The following SGCZ variants were observed in gnomAD, a reference collection of about 807,000 sequenced individuals.
SGCZ encodes sarcoglycan zeta, also known as zeta-sarcoglycan.
In SGCZ, 40 loss-of-function variants were observed where a neutral mutation model predicts 41.3. That is an observed-to-expected ratio of 0.97 (90% CI 0.75 to 1.26). The LOEUF (loss-of-function observed/expected upper bound fraction) is 1.26. Ranked by LOEUF, SGCZ falls within the 50% of genes most tolerant of loss-of-function variation. The pLI, the probability that SGCZ is intolerant of heterozygous loss-of-function variation, is 0.00. For missense variants in SGCZ, 552 were observed against 369.8 expected (o/e 1.49, Z -4.04); for synonymous variants, 206 against 137.5 (o/e 1.50, Z -3.49).
intron 1 of SGCZ, among the ~76,000 whole-genome samples, chr8:14,737,852 A>G (rs1463957544): frequency 6.6e-6 from 1 of 152,146 alleles, no homozygotes; most frequent in Non-Finnish European, 1.5e-5. Flanking sequence ...ATAACAACAT[A>G]TGATTTTAGG....
At chr8:14,449,983 A>C (rs1800545297) in intron 2 of SGCZ, among the ~76,000 whole-genome samples, 1 of 152,258 alleles carries the variant, frequency 6.6e-6, no homozygotes, top group Non-Finnish European at 1.5e-5. Flanking sequence ...AATGGTGCAT[A>C]TATTTAATAT....
chr8:14,499,743 T>C (rs1266760731), intron 2 of SGCZ, among the ~76,000 whole-genome samples: 1 of 152,034 alleles, frequency 6.6e-6, no homozygotes, highest in African/African-American at 2.4e-5. Context: ...TCAACACCTG[T>C]ATCTTCCCCT....
chr8:14,655,378 T>G (rs1807533673), intron 1 of SGCZ, among the ~76,000 whole-genome samples: 1 of 152,168 alleles, frequency 6.6e-6, no homozygotes, highest in Non-Finnish European at 1.5e-5. Context: ...TTTGTTCCTG[T>G]AATCATTTAT....
At chr8:14,631,250 G>A (rs576006652) in intron 1 of SGCZ, among the ~76,000 whole-genome samples, 1 of 151,032 alleles carries the variant, frequency 6.6e-6, no homozygotes, top group East Asian at 2.0e-4. Context: ...ATCGGCTAAT[G>A]TAAAGGTAGT....
intron 1 of SGCZ, among the ~76,000 whole-genome samples, chr8:14,601,909 A>C (rs1032026682): frequency 3.2e-4 from 49 of 152,140 alleles, no homozygotes; most frequent in African/African-American, 7.7e-4. Context: ...TCACGAGGTC[A>C]GGAGATCGAG....
At chr8:14,232,165 A>C (rs13273446) in intron 4 of SGCZ, among the ~76,000 whole-genome samples, 35,985 of 151,492 alleles carry the variant, frequency 0.24, 5,505 homozygotes, top group Non-Finnish European at 0.34. Context: ...ATTTAATTTC[A>C]ATTTTTAAGT....
At chr8:14,803,000 C>T (rs1423082763) in intron 1 of SGCZ, among the ~76,000 whole-genome samples, 1 of 152,144 alleles carries the variant, frequency 6.6e-6, no homozygotes. Flanking sequence ...TGCTGTCTTG[C>T]CCACTGCTCC....
At chr8:15,015,492 G>T (rs988422974) in intron 1 of SGCZ, among the ~76,000 whole-genome samples, 5 of 151,910 alleles carry the variant, frequency 3.3e-5, no homozygotes, top group Non-Finnish European at 7.4e-5. Context: ...GAGGTCAGCA[G>T]ATGCAGACCA....
intron 1 of SGCZ, among the ~76,000 whole-genome samples, chr8:14,937,202 A>G (rs910567353): frequency 6.6e-6 from 1 of 151,986 alleles, no homozygotes; most frequent in Non-Finnish European, 1.5e-5. Flanking sequence ...AATTAAAGCT[A>G]GATCAAAAAT....
At chr8:15,143,361 T>A (rs1289123939) in intron 1 of SGCZ, among the ~76,000 whole-genome samples, 1 of 152,174 alleles carries the variant, frequency 6.6e-6, no homozygotes, top group Non-Finnish European at 1.5e-5. Flanking sequence ...AGATGTTTCT[T>A]CTCACTAGTA....
At position 14,684,941 on chromosome 8, in the gene SGCZ, C is replaced by G. The variant is rs531009694; in HGVS notation, c.40-130015G>C. Among the ~76,000 whole-genome samples, 9 of 152,148 alleles carry G rather than the reference C, an allele frequency of 5.9e-5. No individual in the cohort carries two copies. The East Asian group carries it at 1.7e-3, about 29-fold the overall frequency. On this transcript the variant is annotated intron_variant, in intron 1 of 7. Coordinates refer to ENST00000382080, the MANE Select transcript of SGCZ (RefSeq NM_139167.4). Reference sequence around the variant, plus strand: ...CTGTTTAAACATGCAGTGGCATTTCCTATGTAATTAAATTTCTAAATGTAC... The same window carrying G: ...CTGTTTAAACATGCAGTGGCATTTCGTATGTAATTAAATTTCTAAATGTAC...
At chr8:14,862,432 A>G (rs1803783030) in intron 1 of SGCZ, among the ~76,000 whole-genome samples, 1 of 151,550 alleles carries the variant, frequency 6.6e-6, no homozygotes, top group African/African-American at 2.4e-5. Context: ...TATGCATGGT[A>G]TAATGCACGA....
chr8:14,495,163 G>A (rs916897491), intron 2 of SGCZ, among the ~76,000 whole-genome samples: 8 of 152,162 alleles, frequency 5.3e-5, no homozygotes, highest in Non-Finnish European at 1.0e-4. Context: ...AGAAGATAAA[G>A]AGGAATAAGA....
intron 1 of SGCZ, among the ~76,000 whole-genome samples, chr8:14,912,691 T>G (rs909057150): frequency 6.6e-5 from 10 of 152,028 alleles, no homozygotes; most frequent in Non-Finnish European, 8.8e-5. Flanking sequence ...AAAATAAAAA[T>G]GTCAAAGATG....
chr8:15,144,704 T>A (rs1184648202), intron 1 of SGCZ, among the ~76,000 whole-genome samples: 1 of 152,226 alleles, frequency 6.6e-6, no homozygotes, highest in Non-Finnish European at 1.5e-5. Context: ...GGTCTGCCCA[T>A]CTTTGGCCTC....
intron 4 of SGCZ, among the ~76,000 whole-genome samples, chr8:14,173,729 T>C (rs1460735955): frequency 6.7e-6 from 1 of 149,992 alleles, no homozygotes; most frequent in African/African-American, 2.4e-5. Flanking sequence ...GAGGATAAAA[T>C]AAACAAAAGA....
intron 2 of SGCZ, among the ~76,000 whole-genome samples, chr8:14,349,255 C>T (rs111744890): frequency 4.6e-5 from 7 of 152,096 alleles, no homozygotes; most frequent in African/African-American, 1.7e-4. Context: ...GGAGAAGGTA[C>T]TCCTTCAATT....
intron 4 of SGCZ, among the ~76,000 whole-genome samples, chr8:14,204,451 C>T (rs1407162738): frequency 3.3e-5 from 5 of 152,070 alleles, no homozygotes; most frequent in African/African-American, 1.2e-4. Flanking sequence ...CCTAAGTCTT[C>T]CAAAACCATT....
At chr8:14,143,458 C>A (rs1439043864) in intron 5 of SGCZ, among the ~76,000 whole-genome samples, 1 of 152,074 alleles carries the variant, frequency 6.6e-6, no homozygotes, top group African/African-American at 2.4e-5. Flanking sequence ...CTCATAAATG[C>A]AGTCAGTAAA....
Sources: gnomAD v4.1 joint callset for allele counts (sites outside exome capture counted in the v4.1 genomes callset) on GRCh38, gnomAD v4.1.1 for gene constraint, MANE v1.5 for transcripts, NCBI Gene and HGNC (gene_info 2026-07-23, HGNC 2026-07-21) for gene names.